Variants in P2RX5 observed in about 807,000 individuals in gnomAD.
P2RX5 encodes the protein P2X purinoceptor 5.
P2RX5 carries 46 observed loss-of-function variants against 54.1 expected under a neutral mutation model. The ratio of observed to expected loss-of-function variants is 0.85; its 90% confidence interval spans 0.67 to 1.09. P2RX5 has a LOEUF of 1.09. Ranked by LOEUF, P2RX5 falls within the 50% of genes least tolerant of loss-of-function variation. The pLI, the probability that P2RX5 is intolerant of heterozygous loss-of-function variation, is 0.00. For missense variants in P2RX5, 566 were observed against 549.8 expected, an observed-to-expected ratio of 1.03 and a Z score of -0.29; for synonymous variants, 226 against 226.4, an observed-to-expected ratio of 1.00 and a Z score of 0.02.
the P2RX5 span, chr17:3,723,171 C>T: frequency 5.4e-6 from 4 of 747,180 alleles, no homozygotes; most frequent in Non-Finnish European, 9.3e-6. Flanking sequence ...TGGTTTTTTG[C>T]ACCAAAAGAT....
In P2RX5 at chr17:3,691,685, G is replaced by C; in HGVS notation, c.247C>G (p.Gln83Glu). The change falls in exon 2 of 12, where the codon CAG becomes GAG. Residue 83 changes from glutamine (Q) to glutamate (E), a missense_variant. Physicochemically the swap from Gln to Glu is conservative, Grantham distance 29. Coordinates refer to ENST00000225328, the MANE Select transcript of P2RX5 (RefSeq NM_002561.4). ...VAFTNTSDLG[Q>E]RIWDVADYVI... ...TAGTCGGCGACATCCCAGATCCGCT[G>C]CCCAAGATCCGAGGTGTTGGTGAAG... 6.2e-7 allele frequency: 1 copy of C among 1,614,212 alleles called. No individual in the cohort carries two copies. Among genetic ancestry groups the C allele is most frequent in the Non-Finnish European group, 8.5e-7 (1 of 1,180,040 alleles).
chr17:3,689,920 GCACGCGCACACACGCACA>G, intron 6 of P2RX5, 132 bp downstream of exon 6: 1 of 841,894 alleles, frequency 1.2e-6, no homozygotes, highest in East Asian at 2.4e-5. Context: ...ACAGACACAT[GCACGCGCACACACGCACA>G]CACGCGAACA....
chr17:3,676,371 GGGA>G (rs1437656863), intron 11 of P2RX5: 33 of 985,322 alleles, frequency 3.3e-5, no homozygotes, highest in Admixed American at 6.1e-5. Context: ...GGCAAAATCA[GGGA>G]GCCTCCTGCA....
At chr17:3,709,382 G>C in the P2RX5 span, among the ~76,000 whole-genome samples, 1 of 152,118 alleles carries the variant, frequency 6.6e-6, no homozygotes. Context: ...TACAAAATTT[G>C]CTCCCACTAA....
At chr17:3,680,086 C>T (rs2050204922) in intron 10 of P2RX5, among the ~76,000 whole-genome samples, 1 of 148,684 alleles carries the variant, frequency 6.7e-6, no homozygotes, top group African/African-American at 2.5e-5. Flanking sequence ...CTTCCTCCAT[C>T]CTACGTCCTC....
At chr17:3,709,322 C>T in the P2RX5 span, among the ~76,000 whole-genome samples, 1 of 152,166 alleles carries the variant, frequency 6.6e-6, no homozygotes, top group Non-Finnish European at 1.5e-5. Flanking sequence ...GGCAAATTTT[C>T]ACTTTTTACT....
At chr17:3,722,435 C>G in the P2RX5 span, 2 of 149,448 alleles carry the variant, frequency 1.3e-5, no homozygotes, top group Non-Finnish European at 2.9e-5. Context: ...GAGTAGAGAT[C>G]GTGCCACTGC....
Position 3,673,417 on chromosome 17 carries a change from C to T in P2RX5, c.*451G>A, listed in dbSNP as rs1250464816. 1 of 1,076,210 alleles carries T rather than the reference C, an allele frequency of 9.3e-7. No homozygotes were observed. Among genetic ancestry groups the T allele is most frequent in the Non-Finnish European group, 1.1e-6 (1 of 883,852 alleles). 66.7% of individuals were successfully genotyped at this position (1,076,210 alleles called of 1,614,324 possible). On this transcript the variant is annotated 3_prime_UTR_variant, in exon 12 of 12. Coordinates refer to ENST00000225328, the MANE Select transcript of P2RX5 (RefSeq NM_002561.4). The stretch of plus-strand genomic sequence containing the variant: ...ACTTGGATCCACTGGAGAGTATGCT[C>T]TGAGGGAAGCTGCGGCACTTGCAGA...
the P2RX5 span, chr17:3,723,459 A>G: frequency 1.0e-4 from 119 of 1,156,232 alleles, no homozygotes; most frequent in Non-Finnish European, 1.5e-4. Context: ...CTTCGGACAC[A>G]GAGCATCGTA....
upstream of P2RX5, among the ~76,000 whole-genome samples, chr17:3,698,043 AT>A (rs894303606): frequency 1.9e-3 from 283 of 145,718 alleles, no homozygotes; most frequent in Non-Finnish European, 2.3e-3. Context: ...CCTGGCCCTG[AT>A]TTTTTTTTTT....
chr17:3,677,426 C>G (rs969839245), intron 11 of P2RX5: 5 of 985,282 alleles, frequency 5.1e-6, no homozygotes, highest in Non-Finnish European at 4.8e-6. Context: ...AGCTGGCTTC[C>G]CCACTAAGAG....
the P2RX5 span, chr17:3,721,821 A>ACG: frequency 6.7e-6 from 1 of 149,170 alleles, no homozygotes; most frequent in African/African-American, 2.5e-5. Context: ...TGAGGTGGGT[A>ACG]GATCATCTGA....
the P2RX5 span, among the ~76,000 whole-genome samples, chr17:3,706,852 C>T: frequency 3.3e-5 from 5 of 152,154 alleles, no homozygotes; most frequent in South Asian, 2.1e-4. Flanking sequence ...CCTGGTGATC[C>T]GCCCGCCTCG....
In P2RX5 at chr17:3,691,822, A is replaced by G. The variant is rs373458466; in HGVS notation, c.138-28T>C. Reference sequence around the variant, plus strand: ...GTGGGAAGGGGGCCGGTACGTGGGCATCAGCCACTCTGCTGGCTTCGGGGA... The same window carrying G: ...GTGGGAAGGGGGCCGGTACGTGGGCGTCAGCCACTCTGCTGGCTTCGGGGA... On this transcript the variant is annotated intron_variant, in intron 1 of 11. Coordinates refer to ENST00000225328, the MANE Select transcript of P2RX5 (RefSeq NM_002561.4). 1.4e-5 allele frequency: 23 copies of G among 1,613,656 alleles called. No homozygotes were observed. In the Admixed American group the frequency reaches 1.7e-4, roughly 12 times the overall value.
chr17:3,689,498 G>T lies in P2RX5; in HGVS notation c.747C>A (p.Ala249=). The part of the protein sequence containing the change: ...RWAGSDFQDI[A]LEGGVIGINI... ...CTGCGTGCACCCCACCCACCTCCAG[G>T]GCTATATCCTGGAAGTCGCTCCCGG... The change falls in exon 7 of 12, where the codon GCC becomes GCA. Residue 249 remains alanine (A), a synonymous_variant. Coordinates refer to ENST00000225328, the MANE Select transcript of P2RX5 (RefSeq NM_002561.4). The T allele has an allele frequency of 2.5e-6, 4 of 1,614,084 alleles. No individual in the cohort carries two copies. The highest frequency in any genetic ancestry group is 3.4e-6 in the Non-Finnish European group (4 of 1,180,004).
chr17:3,723,592 C>T, the P2RX5 span: 1 of 1,312,938 alleles, frequency 7.6e-7, no homozygotes, highest in Non-Finnish European at 1.0e-6. Flanking sequence ...CGGCACTGGC[C>T]GGCAGGGGTA....
intron 9 of P2RX5, chr17:3,685,467 GGCC>G (rs2050417870): frequency 6.5e-6 from 1 of 153,812 alleles, no homozygotes. Context: ...CTGCCAGTGC[GGCC>G]GCCGGGGAGA....
the P2RX5 span, among the ~76,000 whole-genome samples, chr17:3,707,613 G>A: frequency 9.2e-5 from 14 of 152,180 alleles, no homozygotes; most frequent in East Asian, 2.5e-3. Context: ...CCAAGAGCTC[G>A]AAAACGTCTG....
rs776463411 is a variant in P2RX5 at position 3,690,122 on chromosome 17, A to G, written c.562T>C (p.Phe188Leu). Reference sequence around the variant, plus strand: ...ATGTGGTTCTTTATGAAAATGGTGAAGTCTTCGGCCTCCTTCAGGAATGGC... The same window carrying G: ...ATGTGGTTCTTTATGAAAATGGTGAGGTCTTCGGCCTCCTTCAGGAATGGC... ...EEPFLKEAEDFTIFIKNHIRF... is the reference protein window; with the variant it reads ...EEPFLKEAEDLTIFIKNHIRF... Residue 188 changes from phenylalanine (F) to leucine (L), a missense_variant, in exon 6 of 12, where the codon TTC becomes CTC. Transcript: ENST00000225328. The G allele has an allele frequency of 6.2e-6, 10 of 1,614,198 alleles. No homozygotes were observed. Among genetic ancestry groups the G allele is most frequent in the Non-Finnish European group, 2.5e-6 (3 of 1,180,022 alleles).
Sources: gnomAD v4.1 joint callset for allele counts (sites outside exome capture counted in the v4.1 genomes callset) on GRCh38, gnomAD v4.1.1 for gene constraint, MANE v1.5 for transcripts, NCBI Gene and HGNC (gene_info 2026-07-23, HGNC 2026-07-21) for gene names.